PPP2R3B: variants seen among roughly 807,000 people sequenced by gnomAD.
PPP2R3B encodes protein phosphatase 2 regulatory subunit B''beta.
In PPP2R3B, 68 loss-of-function variants were observed where a neutral mutation model predicts 72.9. The ratio of observed to expected loss-of-function variants is 0.93; its 90% CI spans 0.77 to 1.14. The LOEUF is 1.14. Ranked by LOEUF, PPP2R3B falls within the 50% of genes most tolerant of loss-of-function variation. PPP2R3B has a pLI of 0.00. For missense variants in PPP2R3B, 1,018 were observed against 842.0 expected, an observed-to-expected ratio of 1.21 and a Z score of -2.59; for synonymous variants, 466 against 375.8, an observed-to-expected ratio of 1.24 and a Z score of -2.78.
At chrX:336,930 C>G (rs148729743) in intron 12 of PPP2R3B, 3 of 152,128 alleles carry the variant, frequency 2.0e-5, no homozygotes, top group African/African-American at 7.2e-5. Flanking sequence ...ATTCACTCAG[C>G]GAGATCTCAC....
chrX:339,314 C>T (rs914906893), intron 10 of PPP2R3B, among the ~76,000 whole-genome samples: 2 of 139,406 alleles, frequency 1.4e-5, no homozygotes, highest in African/African-American at 5.4e-5. Flanking sequence ...GCCTCAGAGC[C>T]ATTTCCAAAG....
chrX:374,108 T>C (rs965679530), intron 1 of PPP2R3B: 3 of 150,486 alleles, frequency 2.0e-5, no homozygotes, highest in African/African-American at 7.3e-5. Context: ...GGAACGCGCA[T>C]CAACAGGTCC....
At chrX:341,842 C>G (rs1247884334) in intron 8 of PPP2R3B, 41 bp downstream of exon 8, 1 of 1,608,806 alleles carries the variant, frequency 6.2e-7, no homozygotes, top group Admixed American at 1.7e-5. Context: ...GGGGTCCTCG[C>G]AGGGGCAATG....
At position 341,716 on chromosome X, in the gene PPP2R3B, C is replaced by A. The variant is rs1414291379; in HGVS notation, c.1085+167G>T. On this transcript the variant is annotated intron_variant, in intron 8 of 12. Transcript: ENST00000390665. ...GCGTGACAGTCTTGTGCCACCCCCC[C>A]CCACTAGGGATTCACGTGACAGAGA... 12 of 794,422 alleles carry A rather than the reference C, an allele frequency of 1.5e-5. No homozygotes were observed. The East Asian group carries it at 2.0e-4, about 14-fold the overall frequency. 49.2% of individuals were successfully genotyped at this position (794,422 alleles called of 1,614,324 possible).
chrX:375,816 A>AGGTGACACACGCCCTGTTCTGCCACGCTG (rs2071979840), intron 1 of PPP2R3B, among the ~76,000 whole-genome samples: 1 of 151,430 alleles, frequency 6.6e-6, no homozygotes, highest in Non-Finnish European at 1.5e-5. Flanking sequence ...CTGCCACGCC[A>AGGTGACACACGCCCTGTTCTGCCACGCTG]GGTGACACAC....
rs1442784360 is a variant in PPP2R3B, at chrX:385,326, T to C, written c.324+1042A>G. ...AGTGCTTGTTTTTAGTTTTCTTTTT[T>C]TTTTTTTTTTTTTTTTTTTTGAGAT... On this transcript the variant is annotated intron_variant, in intron 1 of 12. Transcript: ENST00000390665. 5.7e-5 allele frequency among the ~76,000 whole-genome samples: 7 copies of C among 122,798 alleles called. No individual in the cohort carries two copies. In the East Asian group the frequency reaches 6.5e-4, roughly 11 times the overall value. The allele number at this position is 122,798 out of a possible 152,430, so 80.6% of individuals were successfully genotyped here. A position where few individuals can be genotyped will look rare whatever the true frequency, so the allele number is the denominator to read the frequency against.
Position 341,060 on chromosome X carries a change from C to T in PPP2R3B, c.1176-120G>A, listed in dbSNP as rs989098973. On this transcript the variant is annotated intron_variant, in intron 9 of 12. Transcript: ENST00000390665. ...CCCCGCTGTGCCTTGCAGCCCCCAC[C>T]GGGCGTGCAGGCATCCCCTGCCCCC... The T allele has an allele frequency of 6.5e-5, 91 of 1,405,798 alleles. 1 individual carries two copies. The highest frequency in any genetic ancestry group is 3.8e-4 in the African/African-American group (26 of 68,484). The allele number at this position is 1,405,798 out of a possible 1,614,324, so 87.1% of individuals were successfully genotyped here.
intron 7 of PPP2R3B, 119 bp downstream of exon 7, chrX:345,397 G>A (rs1486860778): frequency 1.1e-5 from 15 of 1,355,788 alleles, no homozygotes; most frequent in South Asian, 8.8e-5. Flanking sequence ...GCGAAGGAGA[G>A]GCAGCTGCAG....
At chrX:349,608 C>T (rs1356081108) in intron 2 of PPP2R3B, among the ~76,000 whole-genome samples, 1 of 152,176 alleles carries the variant, frequency 6.6e-6, no homozygotes, top group East Asian at 1.9e-4. Flanking sequence ...ACTGTGTAGA[C>T]AATCCAAATG....
chrX:335,493 A>AGC, intron 12 of PPP2R3B: 1 of 152,186 alleles, frequency 6.6e-6, no homozygotes, highest in African/African-American at 2.4e-5. Context: ...CTTGGCAGGA[A>AGC]TCGGACGGGG....
At chrX:373,489 G>C (rs1321453561) in intron 1 of PPP2R3B, 1 of 154,030 alleles carries the variant, frequency 6.5e-6, no homozygotes, top group African/African-American at 2.4e-5. Flanking sequence ...GGGCCGGGAG[G>C]CCTCGCCCGG....
At chrX:349,501 G>A (rs2071285641) in intron 2 of PPP2R3B, among the ~76,000 whole-genome samples, 1 of 152,206 alleles carries the variant, frequency 6.6e-6, no homozygotes, top group Non-Finnish European at 1.5e-5. Context: ...CACCAAGGCC[G>A]CCTGGACGGC....
intron 4 of PPP2R3B, 117 bp from the exon 5 acceptor site, chrX:346,892 G>C (rs898365758): frequency 1.5e-5 from 15 of 988,868 alleles, no homozygotes; most frequent in Non-Finnish European, 2.3e-5. Flanking sequence ...CGGTGTAGAC[G>C]CCGGCCCTCC....
chrX:339,277 G>GGGA (rs1556105763), intron 10 of PPP2R3B, among the ~76,000 whole-genome samples: 1 of 149,628 alleles, frequency 6.7e-6, no homozygotes, highest in Non-Finnish European at 1.5e-5. Flanking sequence ...ATGGCCGGGG[G>GGGA]GGGCAGGGCT....
intron 7 of PPP2R3B, among the ~76,000 whole-genome samples, chrX:344,314 G>C (rs1182514841): frequency 6.6e-6 from 1 of 150,674 alleles, no homozygotes; most frequent in African/African-American, 2.5e-5. Flanking sequence ...CCTCACCAAC[G>C]GGAGGCGGGA....
At position 356,736 on chromosome X, in the gene PPP2R3B, A is replaced by G. The variant is rs750271353; in HGVS notation, c.510+4669T>C. Among the ~76,000 whole-genome samples the G allele has an allele frequency of 5.9e-5, 9 of 151,920 alleles. No individual in the cohort carries two copies. In the East Asian group the frequency reaches 1.5e-3, roughly 26 times the overall value. On this transcript the variant is annotated intron_variant, in intron 2 of 12. Transcript: ENST00000390665. ...GAGAGATGGAGCACACACACAGCAG[A>G]AGCTACTCAGTGATAGAAAAGAAAC...
chrX:341,310 G>A lies in PPP2R3B; in HGVS notation c.1172C>T (p.Thr391Ile). The A allele has an allele frequency of 1.9e-6, 3 of 1,612,488 alleles. No homozygotes were observed. Among genetic ancestry groups the A allele is most frequent in the East Asian group, 2.2e-5 (1 of 44,858 alleles). The change falls in exon 9 of 13, where the codon ACC becomes ATC. Residue 391 changes from threonine to isoleucine, a missense_variant. By Grantham distance (89) the Thr-to-Ile change is moderately conservative. Transcript: ENST00000390665. ...LISEEDKKTP[T>I]SIEYWFRCMD... ...GCATGCCGCAGCAGGAACCCACCTG[G>A]TCGGTGTTTTTTTGTCTTCCTCAGA... is the stretch of plus-strand genomic sequence containing the variant.
chrX:386,549 G>T lies in PPP2R3B; in HGVS notation c.143C>A (p.Thr48Asn). 5 of 1,433,168 alleles carry T rather than the reference G, an allele frequency of 3.5e-6. No individual in the cohort carries two copies. Among genetic ancestry groups the T allele is most frequent in the Non-Finnish European group, 4.6e-6 (5 of 1,090,928 alleles). 88.8% of individuals were successfully genotyped at this position (1,433,168 alleles called of 1,614,324 possible). A position where few individuals can be genotyped will look rare whatever the true frequency, so the allele number is the denominator to read the frequency against. The change falls in exon 1 of 13, where the codon ACC becomes AAC. Residue 48 changes from threonine (T) to asparagine (N), a missense_variant. Physicochemically the swap from Thr to Asn is moderately conservative, Grantham distance 65. Coordinates refer to ENST00000390665, the MANE Select transcript of PPP2R3B (RefSeq NM_013239.5). The stretch of plus-strand genomic sequence containing the variant: ...CCCGGGCTGCTCCCCGTCCCCCGGG[G>T]TCGGCTGGTCCCGCCCGGGCGCCTT... The part of the protein sequence containing the change: ...RIKAPGRDQP[T>N]PGDGEQPGAW...
chrX:338,748 C>G (rs372385182), intron 11 of PPP2R3B, 30 bp downstream of exon 11: 1 of 1,611,614 alleles, frequency 6.2e-7, no homozygotes, highest in East Asian at 2.2e-5. Flanking sequence ...CGGCGTGGCG[C>G]GGCCCGGCCC....
Sources: allele counts gnomAD v4.1 joint callset (sites outside exome capture counted in the v4.1 genomes callset), GRCh38; gene constraint gnomAD v4.1.1; transcripts MANE v1.5; gene names NCBI Gene and HGNC (gene_info 2026-07-23, HGNC 2026-07-21).